The following LAMC2 variants were observed in gnomAD, a reference collection of about 807,000 sequenced individuals.
LAMC2 encodes the protein laminin subunit gamma-2.
Under a neutral mutation model 140.2 loss-of-function variants are expected in LAMC2, and 97 were observed. That is an observed-to-expected ratio of 0.69 (90% CI 0.59 to 0.82). The LOEUF is 0.82. Ranked by LOEUF, LAMC2 falls within the 40% of genes least tolerant of loss-of-function variation. LAMC2 has a pLI of 0.00. For synonymous variants in LAMC2, 513 were observed against 540.2 expected, an observed-to-expected ratio of 0.95 and a Z score of 0.70; for missense variants, 1,402 against 1,476.1, an observed-to-expected ratio of 0.95 and a Z score of 0.82.
chr1:183,257,270 G>A, the LAMC2 span, among the ~76,000 whole-genome samples: 2 of 152,012 alleles, frequency 1.3e-5, no homozygotes, highest in South Asian at 4.2e-4. Flanking sequence ...GTAAAACCCT[G>A]TCTCTACCAA....
At chr1:183,217,812 C>T (rs2102214206) in intron 3 of LAMC2, among the ~76,000 whole-genome samples, 1 of 152,226 alleles carries the variant, frequency 6.6e-6, no homozygotes, top group East Asian at 1.9e-4. Context: ...CCGGAATGAT[C>T]AAAATGTTCT....
intron 22 of LAMC2, 105 bp from the exon 23 acceptor site, chr1:183,243,042 G>A: frequency 8.0e-7 from 1 of 1,254,114 alleles, no homozygotes. Flanking sequence ...TTTGCTCTAG[G>A]CAAGTGGAAA....
At chr1:183,224,201 A>T (rs2102225969) in intron 7 of LAMC2, among the ~76,000 whole-genome samples, 1 of 152,282 alleles carries the variant, frequency 6.6e-6, no homozygotes, top group Non-Finnish European at 1.5e-5. Context: ...TTTTCCAGGG[A>T]GAAAAGTCAG....
chr1:183,233,006 A>G, intron 14 of LAMC2, 149 bp downstream of exon 14: 1 of 760,312 alleles, frequency 1.3e-6, no homozygotes. Context: ...TCCTTGCAAC[A>G]GTCACATCTA....
chr1:183,247,653 T>C (rs752317392), downstream of LAMC2, among the ~76,000 whole-genome samples: 4 of 152,178 alleles, frequency 2.6e-5, no homozygotes, highest in South Asian at 2.1e-4. Context: ...AATAGGGAAT[T>C]ACTGTTTCAC....
At chr1:183,198,837 T>G (rs886643005) in intron 1 of LAMC2, among the ~76,000 whole-genome samples, 4 of 152,180 alleles carry the variant, frequency 2.6e-5, no homozygotes, top group Admixed American at 6.5e-5. Context: ...TGGGCAGTCC[T>G]AGGGTGGAAA....
chr1:183,256,724 A>G, the LAMC2 span, among the ~76,000 whole-genome samples: 1 of 152,154 alleles, frequency 6.6e-6, no homozygotes, highest in Non-Finnish European at 1.5e-5. Flanking sequence ...GGACTTTTAC[A>G]TCAATGCTCA....
chr1:183,210,663 A>C (rs1659042839), intron 2 of LAMC2, among the ~76,000 whole-genome samples: 1 of 152,248 alleles, frequency 6.6e-6, no homozygotes, highest in African/African-American at 2.4e-5. Context: ...AAAAAGCTTG[A>C]TGGATATTAT....
rs930207732 is a variant in LAMC2 at position 183,232,570 on chromosome 1, A to G, written c.2015-82A>G. ...ATTGGGTTTTTGTCATTTGACCATA[A>G]GCCAGTCAACCCTCCGTTATGTTTG... is the stretch of plus-strand genomic sequence containing the variant. On this transcript the variant is annotated intron_variant, in intron 13 of 22. Coordinates refer to ENST00000264144, the MANE Select transcript of LAMC2 (RefSeq NM_005562.3). 2.3e-6 allele frequency: 3 copies of G among 1,305,218 alleles called. No homozygotes were observed. In the African/African-American group the frequency reaches 4.4e-5, roughly 19 times the overall value. The allele number at this position is 1,305,218 out of a possible 1,614,324, so 80.9% of individuals were successfully genotyped here.
chr1:183,255,662 G>GTT, the LAMC2 span, among the ~76,000 whole-genome samples: 40 of 100,924 alleles, frequency 4.0e-4, no homozygotes, highest in African/African-American at 1.3e-3. Context: ...ATTCCTAAGG[G>GTT]TTTTTTTTTT....
chr1:183,223,075 C>T, intron 6 of LAMC2, 60 bp from the exon 7 acceptor site: 1 of 1,510,824 alleles, frequency 6.6e-7, no homozygotes. Context: ...TGCAAACTTG[C>T]ATGTGTTTGC....
At chr1:183,213,608 T>A (rs1173211831) in intron 2 of LAMC2, among the ~76,000 whole-genome samples, 1 of 151,908 alleles carries the variant, frequency 6.6e-6, no homozygotes, top group East Asian at 1.9e-4. Flanking sequence ...GAGACCAGCC[T>A]GGCCAACATG....
intron 7 of LAMC2, among the ~76,000 whole-genome samples, chr1:183,224,444 G>A (rs529231601): frequency 6.6e-6 from 1 of 152,188 alleles, no homozygotes; most frequent in African/African-American, 2.4e-5. Flanking sequence ...AGATTGTTAA[G>A]TCAAGAAGTG....
rs200051455 is a variant in LAMC2, at chr1:183,228,596, C to T, written c.1691C>T (p.Pro564Leu). The T allele has an allele frequency of 1.2e-6, 2 of 1,614,052 alleles. No homozygotes were observed. Among genetic ancestry groups the T allele is most frequent in the East Asian group, 2.2e-5 (1 of 44,852 alleles). The change falls in exon 11 of 23, where the codon CCC (proline) becomes CTC (leucine). Residue 564 changes from proline (P) to leucine (L), a missense_variant. Pro to Leu is a moderately conservative substitution (Grantham distance 98). This residue lies in a region of LAMC2 where 723 missense variants were observed against 783.3 expected (regional missense o/e 0.92). Transcript: ENST00000264144. The surrounding 1 kb of genome is among the most constrained non-coding windows in gnomAD (Gnocchi z 4.3). ...KAGYFGDPLAPNPADKCRACN... is the reference protein window; with the variant it reads ...KAGYFGDPLALNPADKCRACN... ...GGCTACTTCGGGGACCCATTGGCTC[C>T]CAACCCAGCAGACAAGTGTCGAGGT...
chr1:183,230,884 C>T (rs1340316404), intron 11 of LAMC2, 77 bp from the exon 12 acceptor site: 10 of 1,539,644 alleles, frequency 6.5e-6, no homozygotes, highest in African/African-American at 1.4e-5. Flanking sequence ...GGCTTGATCT[C>T]CTTCCTTGTA....
chr1:183,217,065 A>C (rs1659290827), intron 3 of LAMC2, among the ~76,000 whole-genome samples: 1 of 152,196 alleles, frequency 6.6e-6, no homozygotes, highest in Admixed American at 6.5e-5. Context: ...TTGGCAAAGA[A>C]ATTCCAGCCA....
At chr1:183,254,394 G>C in the LAMC2 span, among the ~76,000 whole-genome samples, 1 of 151,978 alleles carries the variant, frequency 6.6e-6, no homozygotes, top group Non-Finnish European at 1.5e-5. Context: ...TCTCTGGAGA[G>C]ATGTCTACTC....
rs114960747 is a variant in LAMC2, at chr1:183,229,725, G to T, written c.1714+1106G>T. ...TCATGAAGACCCAGAGGTTTGCATGGAGCTCACAGCCTCCCACTCACACCA... is the reference window on the plus strand; with the variant it reads ...TCATGAAGACCCAGAGGTTTGCATGTAGCTCACAGCCTCCCACTCACACCA... On this transcript the variant is annotated intron_variant, in intron 11 of 22. Coordinates refer to ENST00000264144, the MANE Select transcript of LAMC2 (RefSeq NM_005562.3). 6.1e-3 allele frequency among the ~76,000 whole-genome samples: 927 copies of T among 151,926 alleles called. 6 individuals carry two copies. The highest frequency in any genetic ancestry group is 0.019 in the African/African-American group (785 of 41,406).
In LAMC2 at chr1:183,234,796, G is replaced by A. The variant is rs529945907; in HGVS notation, c.2300+350G>A. ...CAGCTTTCAGGGACTCCCACACCAA[G>A]CCTGGGAACAAGTAGCAACGAGTTG... On this transcript the variant is annotated intron_variant, in intron 15 of 22. Transcript: ENST00000264144. Among the ~76,000 whole-genome samples the A allele has an allele frequency of 1.4e-3, 215 of 152,288 alleles. 6 individuals carry two copies. The South Asian group carries it at 0.043, about 31-fold the overall frequency.
Sources: allele counts gnomAD v4.1 joint callset (sites outside exome capture counted in the v4.1 genomes callset), GRCh38; gene constraint gnomAD v4.1.1; regional missense constraint gnomAD v4.1.1; non-coding constraint Gnocchi (gnomAD v3.1); transcripts MANE v1.5; gene names NCBI Gene and HGNC (gene_info 2026-07-23, HGNC 2026-07-21).